Variants in ACTR3 observed in about 807,000 individuals in gnomAD.
The protein encoded by ACTR3 is actin-related protein 3.
A neutral mutation model predicts 56.8 loss-of-function variants in ACTR3; 12 were observed. The ratio of observed to expected loss-of-function variants is 0.21; its 90% CI spans 0.14 to 0.34. ACTR3 has a LOEUF of 0.34. ACTR3 is among the 10% of genes least tolerant of loss of function. The pLI is 1.00. For missense variants in ACTR3, 282 were observed against 512.5 expected (o/e 0.55, Z 4.34); for synonymous variants, 162 against 167.4 (o/e 0.97, Z 0.25).
intron 1 of ACTR3, among the ~76,000 whole-genome samples, chr2:113,894,414 A>G (rs930062345): frequency 1.3e-5 from 2 of 152,208 alleles, no homozygotes; most frequent in Non-Finnish European, 2.9e-5. Flanking sequence ...TTCTTTAGCC[A>G]TCTCCAAAGG....
At chr2:113,944,593 A>AG (rs1679983726) in intron 8 of ACTR3, among the ~76,000 whole-genome samples, 1 of 147,120 alleles carries the variant, frequency 6.8e-6, no homozygotes, top group Admixed American at 6.7e-5. Context: ...CTAAAAAAAA[A>AG]AAAAAAAAAA....
chr2:113,935,070 T>A (rs1040056951), intron 6 of ACTR3, among the ~76,000 whole-genome samples: 2 of 152,036 alleles, frequency 1.3e-5, no homozygotes, highest in Non-Finnish European at 2.9e-5. Context: ...CAGTGTTTAA[T>A]GCATCAGGCA....
intron 8 of ACTR3, among the ~76,000 whole-genome samples, chr2:113,947,461 G>C (rs1041951827): frequency 5.3e-5 from 8 of 152,186 alleles, no homozygotes; most frequent in African/African-American, 1.7e-4. Flanking sequence ...AGACCAGCTT[G>C]GGCAACATGG....
intron 6 of ACTR3, among the ~76,000 whole-genome samples, chr2:113,937,284 T>G (rs935570431): frequency 6.6e-6 from 1 of 152,182 alleles, no homozygotes; most frequent in Non-Finnish European, 1.5e-5. Flanking sequence ...TTTTGTATTT[T>G]TAGTAGAGAC....
At chr2:113,893,246 T>A (rs1163822369) in intron 1 of ACTR3, among the ~76,000 whole-genome samples, 2 of 150,096 alleles carry the variant, frequency 1.3e-5, no homozygotes, top group Non-Finnish European at 3.0e-5. Flanking sequence ...TTCTGGGCGG[T>A]GGAAGGGATC....
At chr2:113,919,692 TTTA>T (rs1436459932) in intron 3 of ACTR3, among the ~76,000 whole-genome samples, 3 of 152,202 alleles carry the variant, frequency 2.0e-5, no homozygotes, top group Admixed American at 6.5e-5. Flanking sequence ...GATAGTCTTA[TTTA>T]TCCCTTATCT....
At chr2:113,902,083 T>C (rs941385303) in intron 1 of ACTR3, among the ~76,000 whole-genome samples, 1 of 152,188 alleles carries the variant, frequency 6.6e-6, no homozygotes, top group Non-Finnish European at 1.5e-5. Context: ...TTATACTTAC[T>C]TTATCTTTCT....
At chr2:113,927,883 T>C (rs1679648864) in intron 4 of ACTR3, among the ~76,000 whole-genome samples, 1 of 152,196 alleles carries the variant, frequency 6.6e-6, no homozygotes, top group African/African-American at 2.4e-5. Context: ...ATCAAATGAC[T>C]TTATAAGATT....
intron 1 of ACTR3, 100 bp from the exon 2 acceptor site, chr2:113,913,072 C>G (rs999558577): frequency 2.2e-5 from 16 of 733,536 alleles, no homozygotes; most frequent in Admixed American, 3.2e-5. Context: ...TATTATTTAC[C>G]TACGATGGAA....
intron 1 of ACTR3, among the ~76,000 whole-genome samples, chr2:113,897,557 T>C (rs1490763510): frequency 5.7e-5 from 8 of 140,580 alleles, no homozygotes; most frequent in Non-Finnish European, 1.1e-4. Context: ...GGCAGAGTGT[T>C]GCTCTGTCAC....
chr2:113,890,861 A>G, intron 1 of ACTR3: 2 of 892,656 alleles, frequency 2.2e-6, no homozygotes, highest in Non-Finnish European at 2.7e-6. Flanking sequence ...GAAAATGGGA[A>G]CCTACAGTGG....
At chr2:113,923,245 A>C (rs1679543711) in intron 3 of ACTR3, among the ~76,000 whole-genome samples, 1 of 152,168 alleles carries the variant, frequency 6.6e-6, no homozygotes, top group Non-Finnish European at 1.5e-5. Context: ...AATTATATGT[A>C]ACAGTTTTCA....
At chr2:113,916,077 A>G (rs1391524337) in intron 2 of ACTR3, among the ~76,000 whole-genome samples, 8 of 152,210 alleles carry the variant, frequency 5.3e-5, no homozygotes, top group Admixed American at 3.3e-4. Context: ...AGCATTTAGA[A>G]GGACTAGATG....
chr2:113,900,143 T>C (rs2104582396), intron 1 of ACTR3, among the ~76,000 whole-genome samples: 1 of 152,288 alleles, frequency 6.6e-6, no homozygotes, highest in South Asian at 2.1e-4. Flanking sequence ...TTGAGTAGTT[T>C]TTAGTATAGT....
chr2:113,914,614 CAAAAAAAAAAA>C (rs55784117), intron 2 of ACTR3, among the ~76,000 whole-genome samples: 1 of 69,230 alleles, frequency 1.4e-5, no homozygotes, highest in Non-Finnish European at 3.5e-5. Flanking sequence ...GACTCAGTCT[CAAAAAAAAAAA>C]AAAAAAAAGA....
intron 3 of ACTR3, among the ~76,000 whole-genome samples, chr2:113,926,601 AAAGGGACAAAATAC>A (rs1679624243): frequency 6.6e-6 from 1 of 152,176 alleles, no homozygotes; most frequent in Non-Finnish European, 1.5e-5. Context: ...ATGGAAGAGG[AAAGGGACAAAATAC>A]AAGGGACAAC....
chr2:113,928,207 T>C (rs909341192), intron 4 of ACTR3, among the ~76,000 whole-genome samples: 1 of 152,206 alleles, frequency 6.6e-6, no homozygotes, highest in Admixed American at 6.5e-5. Context: ...TCTGTGTCTT[T>C]CGGTGATTGT....
intron 3 of ACTR3, among the ~76,000 whole-genome samples, chr2:113,926,004 T>A (rs150142484): frequency 2.0e-5 from 3 of 152,304 alleles, no homozygotes; most frequent in Non-Finnish European, 4.4e-5. Flanking sequence ...TAGTTCTGTT[T>A]ATTAAATACC....
In ACTR3 at chr2:113,940,114, G is replaced by A; in HGVS notation, c.684+12G>A. The A allele has an allele frequency of 6.2e-7, 1 of 1,603,388 alleles. No individual in the cohort carries two copies. Among genetic ancestry groups the A allele is most frequent in the East Asian group, 2.2e-5 (1 of 44,492 alleles). On this transcript the variant is annotated intron_variant, in intron 7 of 11. Transcript: ENST00000263238. ...CTAAGGCAGTAAAGGTAAAAAGTGT[G>A]ATAGGAGTGTAATTTAGTTAAAAAT...
Sources: allele counts gnomAD v4.1 joint callset (sites outside exome capture counted in the v4.1 genomes callset), GRCh38; gene constraint gnomAD v4.1.1; transcripts MANE v1.5; gene names NCBI Gene and HGNC (gene_info 2026-07-23, HGNC 2026-07-21).